Variants in PCDH9 observed in about 807,000 individuals in gnomAD.
PCDH9 encodes protocadherin-9.
A neutral mutation model predicts 70.6 loss-of-function variants in PCDH9; 24 were observed. The ratio of observed to expected loss-of-function variants is 0.34; its 90% CI spans 0.25 to 0.48. PCDH9 has a LOEUF of 0.48. PCDH9 is among the 20% of genes least tolerant of loss of function. PCDH9 has a pLI of 0.99. For missense variants in PCDH9, 1,281 were observed against 1,503.6 expected, an observed-to-expected ratio of 0.85 and a Z score of 2.45; for synonymous variants, 562 against 558.5, an observed-to-expected ratio of 1.01 and a Z score of -0.09.
chr13:66,962,369 G>A (rs1291181359), intron 2 of PCDH9, among the ~76,000 whole-genome samples: 2 of 151,534 alleles, frequency 1.3e-5, no homozygotes, highest in Admixed American at 6.6e-5. Context: ...TACTTCCCAA[G>A]ACACCTCCAA....
At chr13:66,612,707 G>A (rs1331739553) in intron 4 of PCDH9, among the ~76,000 whole-genome samples, 1 of 152,162 alleles carries the variant, frequency 6.6e-6, no homozygotes, top group African/African-American at 2.4e-5. Flanking sequence ...GGAAGTTCAT[G>A]AGGTTTACAG....
chr13:66,893,683 AT>A (rs1432125594), intron 3 of PCDH9, among the ~76,000 whole-genome samples: 1 of 152,168 alleles, frequency 6.6e-6, no homozygotes, highest in African/African-American at 2.4e-5. Flanking sequence ...TGTGCACGCA[AT>A]AACATATACA....
In PCDH9 at chr13:66,304,786, G is replaced by C; in HGVS notation, c.3583C>G (p.Arg1195Gly). The C allele has an allele frequency of 1.2e-6, 2 of 1,613,458 alleles. No homozygotes were observed. Among genetic ancestry groups the C allele is most frequent in the East Asian group, 2.2e-5 (1 of 44,834 alleles). ...EDSNRNQFND[R>G]KQYGSNEGHF... ...CCTTCATTGGAGCCATACTGCTTACGGTCATTGAACTGGTTCCTGTTGCTG... is the reference window on the plus strand; with the variant it reads ...CCTTCATTGGAGCCATACTGCTTACCGTCATTGAACTGGTTCCTGTTGCTG... The change falls in exon 5 of 5, where the codon CGT becomes GGT. Residue 1195 changes from arginine (R) to glycine (G), a missense_variant. Arg to Gly is a moderately radical substitution (Grantham distance 125). Around this residue, in one of 4 missense-constraint regions of PCDH9, gnomAD observed 264 missense variants for 278.8 expected, o/e 0.95. Transcript: ENST00000377865.
At chr13:66,888,299 A>C (rs1260210454) in intron 3 of PCDH9, among the ~76,000 whole-genome samples, 1 of 152,074 alleles carries the variant, frequency 6.6e-6, no homozygotes, top group African/African-American at 2.4e-5. Flanking sequence ...ATTCAAGACC[A>C]GCCTGGGAAA....
intron 4 of PCDH9, among the ~76,000 whole-genome samples, chr13:66,576,601 T>C (rs2076818168): frequency 6.6e-6 from 1 of 152,118 alleles, no homozygotes; most frequent in Non-Finnish European, 1.5e-5. Flanking sequence ...CTGTTTTGTT[T>C]TGGAATCATA....
At chr13:66,785,654 A>G (rs1338247267) in intron 3 of PCDH9, among the ~76,000 whole-genome samples, 1 of 152,072 alleles carries the variant, frequency 6.6e-6, no homozygotes, top group African/African-American at 2.4e-5. Context: ...ATTTCTGTAT[A>G]TCTATCTTTT....
At chr13:66,872,684 A>G (rs528826660) in intron 3 of PCDH9, among the ~76,000 whole-genome samples, 1 of 151,866 alleles carries the variant, frequency 6.6e-6, no homozygotes, top group Non-Finnish European at 1.5e-5. Context: ...TAAAAAATCA[A>G]TATGATATTT....
In PCDH9 at chr13:66,875,604, T is replaced by C. The variant is rs143568439; in HGVS notation, c.3138+27900A>G. On this transcript the variant is annotated intron_variant, in intron 3 of 4. Transcript: ENST00000377865. ...TATTTCAGTGAAAAGAACTGCACTA[T>C]GTATTTTTAAATGTCAACCAAGGAA... 1.2e-3 allele frequency among the ~76,000 whole-genome samples: 184 copies of C among 152,338 alleles called. 3 individuals carry two copies. The East Asian group carries it at 0.033, about 27-fold the overall frequency.
At chr13:66,906,792 A>G (rs1387058515) in intron 2 of PCDH9, among the ~76,000 whole-genome samples, 1 of 151,898 alleles carries the variant, frequency 6.6e-6, no homozygotes, top group East Asian at 1.9e-4. Flanking sequence ...ATTAACTATT[A>G]TAAATACCCA....
intron 3 of PCDH9, among the ~76,000 whole-genome samples, chr13:66,872,684 A>T (rs528826660): frequency 6.6e-6 from 1 of 151,982 alleles, no homozygotes; most frequent in East Asian, 1.9e-4. Context: ...TAAAAAATCA[A>T]TATGATATTT....
intron 2 of PCDH9, among the ~76,000 whole-genome samples, chr13:67,018,771 T>TCTCTCTG (rs2084615515): frequency 6.6e-6 from 1 of 152,114 alleles, no homozygotes; most frequent in African/African-American, 2.4e-5. Flanking sequence ...CCTGTTCTAG[T>TCTCTCTG]CTCTCTGCCT....
chr13:67,007,420 G>A (rs1331139278), intron 2 of PCDH9, among the ~76,000 whole-genome samples: 1 of 151,950 alleles, frequency 6.6e-6, no homozygotes, highest in Non-Finnish European at 1.5e-5. Flanking sequence ...TTAAGACAGT[G>A]GGTTTCTGAG....
chr13:66,540,475 GC>G (rs1454002879), intron 4 of PCDH9, among the ~76,000 whole-genome samples: 1 of 152,006 alleles, frequency 6.6e-6, no homozygotes, highest in Non-Finnish European at 1.5e-5. Flanking sequence ...TTATTATTAA[GC>G]TTTTTTTACA....
intron 2 of PCDH9, among the ~76,000 whole-genome samples, chr13:67,166,616 A>G (rs2088123064): frequency 6.6e-6 from 1 of 152,202 alleles, no homozygotes; most frequent in Non-Finnish European, 1.5e-5. Context: ...TTATTTTACT[A>G]TACTCATACA....
chr13:67,204,245 C>T (rs1358688646), intron 2 of PCDH9: 1 of 152,082 alleles, frequency 6.6e-6, no homozygotes, highest in African/African-American at 2.4e-5. Flanking sequence ...TGAATAACTC[C>T]TCCTTATTTG....
chr13:67,190,517 A>AT (rs888094980), intron 2 of PCDH9, among the ~76,000 whole-genome samples: 11 of 152,092 alleles, frequency 7.2e-5, no homozygotes, highest in Non-Finnish European at 1.3e-4. Context: ...TTAATGAACC[A>AT]TTTTTGAGGA....
intron 3 of PCDH9, among the ~76,000 whole-genome samples, chr13:66,734,672 CA>C (rs1412741778): frequency 6.6e-6 from 1 of 152,124 alleles, no homozygotes; most frequent in Non-Finnish European, 1.5e-5. Flanking sequence ...GATGAATAAT[CA>C]AAATGTGTAT....
At chr13:66,339,877 C>T (rs1369185959) in intron 4 of PCDH9, among the ~76,000 whole-genome samples, 3 of 151,980 alleles carry the variant, frequency 2.0e-5, no homozygotes, top group Non-Finnish European at 4.4e-5. Flanking sequence ...CAGAAATGCC[C>T]TTTATTCAGT....
chr13:66,834,414 T>C (rs1293102467), intron 3 of PCDH9, among the ~76,000 whole-genome samples: 1 of 152,116 alleles, frequency 6.6e-6, no homozygotes, highest in Non-Finnish European at 1.5e-5. Context: ...AGTGCTTGGA[T>C]TACAGTCATG....
Sources: allele counts gnomAD v4.1 joint callset (sites outside exome capture counted in the v4.1 genomes callset), GRCh38; gene constraint gnomAD v4.1.1; regional missense constraint gnomAD v4.1.1; transcripts MANE v1.5; gene names NCBI Gene and HGNC (gene_info 2026-07-23, HGNC 2026-07-21).